Variants in DNAH2 observed in about 807,000 individuals in gnomAD.
DNAH2 encodes axonemal beta dynein heavy chain 2.
Under a neutral mutation model 523.5 loss-of-function variants are expected in DNAH2, and 323 were observed. The ratio of observed to expected loss-of-function variants is 0.62; its 90% CI spans 0.56 to 0.68. The LOEUF (loss-of-function observed/expected upper bound fraction) is 0.68, where lower values mean the gene tolerates loss of function less well. Ranked by LOEUF, DNAH2 falls within the 30% of genes least tolerant of loss-of-function variation. DNAH2 has a pLI of 0.00. For missense variants in DNAH2, 4,907 were observed against 5,701.5 expected (o/e 0.86, Z 4.49); for synonymous variants, 2,093 against 2,177.4 (o/e 0.96, Z 1.08).
At chr17:7,779,188 TTCTA>T in intron 35 of DNAH2, 51 bp from the exon 36 acceptor site, 1 of 1,595,538 alleles carries the variant, frequency 6.3e-7, no homozygotes, top group Admixed American at 1.7e-5. Flanking sequence ...TAATCACGCT[TTCTA>T]GCCTCTTGGG....
At chr17:7,814,117 T>G (rs1333039877) in intron 63 of DNAH2, among the ~76,000 whole-genome samples, 6 of 150,766 alleles carry the variant, frequency 4.0e-5, no homozygotes, top group Non-Finnish European at 8.8e-5. Context: ...GCAGGAAGAC[T>G]TCCCCTTAAC....
intron 11 of DNAH2, among the ~76,000 whole-genome samples, chr17:7,742,388 G>A (rs1224574179): frequency 2.0e-5 from 3 of 152,100 alleles, no homozygotes; most frequent in Non-Finnish European, 2.9e-5. Flanking sequence ...CCGAGATCGC[G>A]CCACTGTACT....
chr17:7,765,616 C>T (rs772937719), intron 21 of DNAH2, 51 bp downstream of exon 21: 11 of 1,565,484 alleles, frequency 7.0e-6, no homozygotes, highest in South Asian at 2.5e-5. Context: ...TTAGAGACCC[C>T]GCCTTCCAAG....
chr17:7,775,898 G>A, intron 30 of DNAH2, 126 bp from the exon 31 acceptor site: 2 of 1,290,242 alleles, frequency 1.6e-6, no homozygotes, highest in Non-Finnish European at 1.1e-6. Flanking sequence ...CAAGCCAGCT[G>A]TTGGCCATTC....
At position 7,833,673 on chromosome 17, in the gene DNAH2, T is replaced by A. The variant is rs2078261545; in HGVS notation, c.*140T>A. 1 of 1,135,108 alleles carries A rather than the reference T, an allele frequency of 8.8e-7. No homozygotes were observed. The highest frequency in any genetic ancestry group is 2.0e-5 in the Admixed American group (1 of 50,754). The allele number at this position is 1,135,108 out of a possible 1,614,324, so 70.3% of individuals were successfully genotyped here. A position where few individuals can be genotyped will look rare whatever the true frequency, so the allele number is the denominator to read the frequency against. On this transcript the variant is annotated 3_prime_UTR_variant, in exon 86 of 86. Transcript: ENST00000572933. The stretch of plus-strand genomic sequence containing the variant: ...TGTGTGATGTGGCCCTGGAGATACC[T>A]AGTTGTGTTAGCCATAAAAGTGAAA...
rs534347077 is a variant in DNAH2, at chr17:7,784,850, T to C, written c.6130-1274T>C. On this transcript the variant is annotated intron_variant, in intron 39 of 85. Transcript: ENST00000572933. ...CTAAATCTGTATGCACTAAATAATA[T>C]AGCTACAAAATCCATAAAAGAAACT... Among the ~76,000 whole-genome samples the C allele has an allele frequency of 1.4e-4, 21 of 152,112 alleles. No individual in the cohort carries two copies. The East Asian group carries it at 4.1e-3, about 29-fold the overall frequency.
chr17:7,831,677 C>G lies in DNAH2; in HGVS notation c.12628C>G (p.Leu4210Val). The G allele has an allele frequency of 1.2e-6, 2 of 1,614,164 alleles. No individual in the cohort carries two copies. Among genetic ancestry groups the G allele is most frequent in the Non-Finnish European group, 1.7e-6 (2 of 1,180,006 alleles). ...CCTGCTCAGGTTCTCACTGACAGAC[C>G]TAGAGAAAGGCATCCAGGGTCTCAT... is the stretch of plus-strand genomic sequence containing the variant. Reference protein sequence around the residue: ...MQTILFSLTDLEKGIQGLIVM... With the variant: ...MQTILFSLTDVEKGIQGLIVM... Residue 4210 changes from leucine (L) to valine (V), a missense_variant, in exon 82 of 86, where the codon CTA (leucine) becomes GTA (valine). Around this residue, in one of 3 missense-constraint regions of DNAH2, gnomAD observed 1,851 missense variants for 2,139.4 expected, o/e 0.87. Coordinates refer to ENST00000572933, the MANE Select transcript of DNAH2 (RefSeq NM_020877.5). This position sits in a 1 kb window ranked among gnomAD's most constrained non-coding sequence, Gnocchi z 4.2.
chr17:7,721,008 T>TTTC (rs2074586099), intron 2 of DNAH2, among the ~76,000 whole-genome samples: 1 of 131,090 alleles, frequency 7.6e-6, no homozygotes, highest in South Asian at 2.4e-4. Flanking sequence ...TTCTTTCTTT[T>TTTC]TTTTTTTTTT....
intron 12 of DNAH2, among the ~76,000 whole-genome samples, chr17:7,751,420 A>G (rs2075680120): frequency 6.6e-6 from 1 of 152,144 alleles, no homozygotes; most frequent in South Asian, 2.1e-4. Context: ...TTATTTTAAA[A>G]AATATTCCAT....
rs1161598094 is a variant in DNAH2 at position 7,816,628 on chromosome 17, G to A, written c.9787G>A (p.Glu3263Lys). 1 of 1,614,220 alleles carries A rather than the reference G, an allele frequency of 6.2e-7. No homozygotes were observed. Among genetic ancestry groups the A allele is most frequent in the East Asian group, 2.2e-5 (1 of 44,888 alleles). ...GTATGATGAGAAGCTGGCACAGAAGGAGGAGCTTCGCAAGAAGTCTGAAGA... is the reference window on the plus strand; with the variant it reads ...GTATGATGAGAAGCTGGCACAGAAGAAGGAGCTTCGCAAGAAGTCTGAAGA... ...KQYDEKLAQK[E>K]ELRKKSEEME... The change falls in exon 64 of 86, where the codon GAG (glutamate) becomes AAG (lysine). Residue 3263 changes from glutamate to lysine, a missense_variant. Physicochemically the swap from Glu to Lys is moderately conservative, Grantham distance 56. This residue lies in a region of DNAH2 where 1,851 missense variants were observed against 2,139.4 expected (regional missense o/e 0.87). Transcript: ENST00000572933.
chr17:7,773,626 G>A (rs2076375246), intron 28 of DNAH2, among the ~76,000 whole-genome samples: 2 of 152,078 alleles, frequency 1.3e-5, no homozygotes, highest in African/African-American at 2.4e-5. Context: ...CACTTATTAC[G>A]CACTGAGGCT....
chr17:7,808,058 C>A (rs1360363560), intron 63 of DNAH2, among the ~76,000 whole-genome samples: 1 of 152,118 alleles, frequency 6.6e-6, no homozygotes, highest in Non-Finnish European at 1.5e-5. Context: ...TCTGGGCAAC[C>A]CAGGCGATCT....
Position 7,734,518 on chromosome 17 carries a change from A to C in DNAH2, c.788A>C (p.Gln263Pro), listed in dbSNP as rs760480222. The change falls in exon 7 of 86, where the codon CAG (glutamine) becomes CCG (proline). Residue 263 changes from glutamine (Q) to proline (P), a missense_variant. Gln to Pro is a moderately conservative substitution (Grantham distance 76, BLOSUM62 -1). This residue lies in a region of DNAH2 where 2,806 missense variants were observed against 3,190.8 expected (regional missense o/e 0.88). Coordinates refer to ENST00000572933, the MANE Select transcript of DNAH2 (RefSeq NM_020877.5). ...TRQIKEMLSA[Q>P]ETVETGENLG... The stretch of plus-strand genomic sequence containing the variant: ...CAGATAAAGGAGATGCTCAGTGCCC[A>C]GGAGACTGTGGAGACAGGAGAAAAT... The C allele has an allele frequency of 7.4e-6, 12 of 1,613,794 alleles. No individual in the cohort carries two copies. Among genetic ancestry groups the C allele is most frequent in the Non-Finnish European group, 9.3e-6 (11 of 1,180,014 alleles).
Position 7,767,883 on chromosome 17 carries a change from G to A in DNAH2, c.3676-17G>A, listed in dbSNP as rs756778452. The A allele has an allele frequency of 1.2e-6, 2 of 1,613,794 alleles. No homozygotes were observed. The highest frequency in any genetic ancestry group is 2.2e-5 in the East Asian group (1 of 44,866). On this transcript the variant is annotated splice_polypyrimidine_tract_variant and intron_variant, in intron 22 of 85. Transcript: ENST00000572933. Reference sequence around the variant, plus strand: ...GGGCAGGTGCCACTTCATGCAACGCGCCTTTCTGCCCTGTAGGAGCTCGAT... The same window carrying A: ...GGGCAGGTGCCACTTCATGCAACGCACCTTTCTGCCCTGTAGGAGCTCGAT...
At chr17:7,746,873 G>A (rs749466734) in intron 12 of DNAH2, among the ~76,000 whole-genome samples, 5 of 152,002 alleles carry the variant, frequency 3.3e-5, no homozygotes, top group Non-Finnish European at 7.4e-5. Flanking sequence ...TGTAATCCCA[G>A]CTACTTGGGA....
In DNAH2 at chr17:7,776,165, C is replaced by T; in HGVS notation, c.4947+16C>T. 2 of 1,612,248 alleles carry T rather than the reference C, an allele frequency of 1.2e-6. No homozygotes were observed. The highest frequency in any genetic ancestry group is 1.7e-6 in the Non-Finnish European group (2 of 1,179,104). On this transcript the variant is annotated intron_variant, in intron 31 of 85. Transcript: ENST00000572933. Reference sequence around the variant, plus strand: ...GGCTGGCCAGGTGAGCTGGGGTCAACAGAAGTGAGGGAACAAGGGGCTGGG... The same window carrying T: ...GGCTGGCCAGGTGAGCTGGGGTCAATAGAAGTGAGGGAACAAGGGGCTGGG...
chr17:7,767,729 C>G (rs182862015), intron 22 of DNAH2, among the ~76,000 whole-genome samples, 171 bp from the exon 23 acceptor site: 3 of 150,754 alleles, frequency 2.0e-5, no homozygotes, highest in East Asian at 3.9e-4. Context: ...TGTGCTTGTT[C>G]CTTGATAAGC....
chr17:7,804,935 C>A (rs764959583), intron 59 of DNAH2, 23 bp from the exon 60 acceptor site: 1 of 1,604,016 alleles, frequency 6.2e-7, no homozygotes, highest in Non-Finnish European at 8.5e-7. Context: ...GACAAAAAAC[C>A]CTTGTCCTTT....
At chr17:7,741,303 TTCCC>T (rs1215822910) in intron 11 of DNAH2, among the ~76,000 whole-genome samples, 6 of 76,812 alleles carry the variant, frequency 7.8e-5, no homozygotes, top group Non-Finnish European at 9.8e-5. Context: ...TCTTCCTTCC[TTCCC>T]TCCCTCCCTC....
Sources: gnomAD v4.1 joint callset for allele counts (sites outside exome capture counted in the v4.1 genomes callset) on GRCh38, gnomAD v4.1.1 for gene constraint, gnomAD v4.1.1 regional missense constraint, Gnocchi (gnomAD v3.1) non-coding constraint, MANE v1.5 for transcripts, NCBI Gene and HGNC (gene_info 2026-07-23, HGNC 2026-07-21) for gene names.